Variants in PCED1B observed in about 807,000 individuals in gnomAD.
PCED1B encodes PC-esterase domain-containing protein 1B.
For synonymous variants in PCED1B, 251 were observed against 246.1 expected (o/e 1.02, Z -0.19); for missense variants, 573 against 573.9 (o/e 1.00, Z 0.02).
At chr12:47,124,639 A>G (rs1423101804) in intron 2 of PCED1B, among the ~76,000 whole-genome samples, 1 of 151,942 alleles carries the variant, frequency 6.6e-6, no homozygotes, top group Non-Finnish European at 1.5e-5. Context: ...TAAGAAATGA[A>G]TCAGCAGTAT....
chr12:47,144,483 C>T (rs1404819), intron 2 of PCED1B, among the ~76,000 whole-genome samples: 87,216 of 151,984 alleles, frequency 0.57, 25,808 homozygotes, highest in Admixed American at 0.65. Flanking sequence ...TTTTATTCTT[C>T]ACATGGCCAG....
At chr12:47,104,275 A>G (rs1938846233) in intron 2 of PCED1B, 80 bp downstream of exon 2, 1 of 152,216 alleles carries the variant, frequency 6.6e-6, no homozygotes, top group South Asian at 2.1e-4. Context: ...AACAAAATGA[A>G]AACCTTAGTT....
chr12:47,168,571 T>C (rs1024088601), intron 2 of PCED1B, among the ~76,000 whole-genome samples: 2 of 152,164 alleles, frequency 1.3e-5, no homozygotes, highest in Non-Finnish European at 2.9e-5. Flanking sequence ...GTTTTCTTTT[T>C]CTAATTTCCT....
intron 1 of PCED1B, among the ~76,000 whole-genome samples, chr12:47,088,039 T>C (rs530796435): frequency 1.7e-4 from 26 of 152,330 alleles, no homozygotes; most frequent in African/African-American, 5.3e-4. Flanking sequence ...CTCAACCTTT[T>C]GGATTCTCAG....
intron 2 of PCED1B, among the ~76,000 whole-genome samples, chr12:47,149,609 C>G (rs1431153016): frequency 6.6e-6 from 1 of 152,194 alleles, no homozygotes; most frequent in African/African-American, 2.4e-5. Flanking sequence ...AGGAGTATCA[C>G]AATCATTTTA....
chr12:47,230,086 CTTT>C (rs368243759), intron 3 of PCED1B, among the ~76,000 whole-genome samples: 5 of 114,864 alleles, frequency 4.4e-5, no homozygotes, highest in Admixed American at 1.9e-4. Context: ...TAATCATTTT[CTTT>C]TTTTTTTTTT....
chr12:47,236,290 T>C lies in PCED1B; in HGVS notation c.1227T>C (p.Tyr409=). Residue 409 remains tyrosine, a synonymous_variant, in exon 4 of 4, where the codon TAT becomes TAC. Transcript: ENST00000546455. ...GFGRYRPRGP[Y]TPWGQRPRPS... ...GCAGGTATCGTCCCCGTGGCCCCTA[T>C]ACGCCCTGGGGACAGCGGCCTCGAC... 2 of 1,614,130 alleles carry C rather than the reference T, an allele frequency of 1.2e-6. No homozygotes were observed. The highest frequency in any genetic ancestry group is 1.3e-5 in the African/African-American group (1 of 75,038).
At chr12:47,180,876 G>GT (rs1942072160) in intron 2 of PCED1B, among the ~76,000 whole-genome samples, 1 of 152,034 alleles carries the variant, frequency 6.6e-6, no homozygotes, top group Admixed American at 6.5e-5. Flanking sequence ...AGGTCAACTG[G>GT]TTTTTTATTC....
chr12:47,118,886 G>C (rs903310482), intron 2 of PCED1B, among the ~76,000 whole-genome samples: 4 of 152,038 alleles, frequency 2.6e-5, no homozygotes, highest in Admixed American at 1.3e-4. Context: ...GTTTGTAGTT[G>C]TCCTTGAAGA....
intron 2 of PCED1B, among the ~76,000 whole-genome samples, chr12:47,196,991 G>T (rs1227535250): frequency 6.6e-6 from 1 of 151,210 alleles, no homozygotes; most frequent in Non-Finnish European, 1.5e-5. Context: ...AGAAAAGTAG[G>T]CAAAGTACAC....
intron 2 of PCED1B, among the ~76,000 whole-genome samples, chr12:47,135,295 TA>T (rs1940306555): frequency 6.6e-6 from 1 of 152,132 alleles, no homozygotes; most frequent in African/African-American, 2.4e-5. Context: ...TTAATTTTTT[TA>T]TTTTTATTTT....
At chr12:47,192,251 A>G (rs1316591117) in intron 2 of PCED1B, among the ~76,000 whole-genome samples, 1 of 148,404 alleles carries the variant, frequency 6.7e-6, no homozygotes, top group African/African-American at 2.5e-5. Flanking sequence ...CATGTTGATT[A>G]TAAGTAAAAC....
chr12:47,141,903 G>A (rs577883735), intron 2 of PCED1B, among the ~76,000 whole-genome samples: 91 of 152,230 alleles, frequency 6.0e-4, no homozygotes, highest in African/African-American at 2.1e-3. Context: ...AAGGACCCAG[G>A]AGGAGGCACC....
At chr12:47,080,503 C>A (rs978530743) in intron 1 of PCED1B, among the ~76,000 whole-genome samples, 1 of 152,132 alleles carries the variant, frequency 6.6e-6, no homozygotes, top group Non-Finnish European at 1.5e-5. Flanking sequence ...GAGGAGGTCG[C>A]GGGGAGGGAA....
chr12:47,213,366 GAA>G (rs5798015), intron 2 of PCED1B, among the ~76,000 whole-genome samples: 1 of 151,862 alleles, frequency 6.6e-6, no homozygotes. Context: ...GACAACCAAA[GAA>G]AAAAACATAG....
intron 2 of PCED1B, among the ~76,000 whole-genome samples, chr12:47,107,651 C>G (rs1939014928): frequency 6.6e-6 from 1 of 152,184 alleles, no homozygotes; most frequent in South Asian, 2.1e-4. Flanking sequence ...GCAGACGGGG[C>G]TGGCAGTGAC....
At chr12:47,123,463 G>A (rs1483541076) in intron 2 of PCED1B, among the ~76,000 whole-genome samples, 1 of 151,970 alleles carries the variant, frequency 6.6e-6, no homozygotes, top group Non-Finnish European at 1.5e-5. Context: ...AATAGAGATT[G>A]CACAAACATT....
intron 2 of PCED1B, among the ~76,000 whole-genome samples, chr12:47,146,386 G>T (rs1383991772): frequency 1.3e-5 from 2 of 152,196 alleles, no homozygotes; most frequent in East Asian, 1.9e-4. Context: ...CAGTGGCAGG[G>T]TTTGAGGGGA....
intron 2 of PCED1B, among the ~76,000 whole-genome samples, chr12:47,120,631 G>A (rs1044758562): frequency 6.6e-5 from 10 of 152,004 alleles, no homozygotes; most frequent in African/African-American, 1.9e-4. Context: ...ATGAAATCCC[G>A]TTTCTACTAA....
Sources: gnomAD v4.1 joint callset for allele counts (sites outside exome capture counted in the v4.1 genomes callset) on GRCh38, gnomAD v4.1.1 for gene constraint, MANE v1.5 for transcripts, NCBI Gene and HGNC (gene_info 2026-07-23, HGNC 2026-07-21) for gene names.